The following PIP4K2B variants were observed in gnomAD, a reference collection of about 807,000 sequenced individuals.
PIP4K2B encodes phosphatidylinositol 5-phosphate 4-kinase type-2 beta.
PIP4K2B carries 3 observed loss-of-function variants against 42.0 expected under a neutral mutation model. The observed-to-expected ratio is 0.07, with a 90% CI of 0.03 to 0.18. The LOEUF (loss-of-function observed/expected upper bound fraction) is 0.18. Among genes scored for constraint, PIP4K2B ranks in the 10% least tolerant of loss-of-function variants. The pLI is 1.00. For missense variants in PIP4K2B, 332 were observed against 562.3 expected (o/e 0.59, Z 4.14); for synonymous variants, 204 against 210.1 (o/e 0.97, Z 0.25).
intron 1 of PIP4K2B, among the ~76,000 whole-genome samples, chr17:38,793,400 T>C (rs1395253582): frequency 6.6e-6 from 1 of 151,034 alleles, no homozygotes; most frequent in African/African-American, 2.4e-5. Flanking sequence ...TGCGCCACCA[T>C]GCCCGACTAA....
Position 38,770,542 on chromosome 17 carries a change from G to A in PIP4K2B, c.1067-3C>T. 1 of 1,513,102 alleles carries A rather than the reference G, an allele frequency of 6.6e-7. No individual in the cohort carries two copies. Among genetic ancestry groups the A allele is most frequent in the Non-Finnish European group, 9.2e-7 (1 of 1,089,590 alleles). The allele number at this position is 1,513,102 out of a possible 1,614,324, so 93.7% of individuals were successfully genotyped here. On this transcript the variant is annotated splice_region_variant and splice_polypyrimidine_tract_variant and intron_variant, in intron 8 of 9. Coordinates refer to ENST00000619039, the MANE Select transcript of PIP4K2B (RefSeq NM_003559.5). ...ATACACCTCCTTCTTGGGGGAACCT[G>A]GAGGGACAAGGAGAGCAGGGAAGAA...
At chr17:38,770,788 C>T (rs913109286) in intron 8 of PIP4K2B, among the ~76,000 whole-genome samples, 1 of 152,058 alleles carries the variant, frequency 6.6e-6, no homozygotes, top group Non-Finnish European at 1.5e-5. Flanking sequence ...CAGAGCAGAA[C>T]CACTCTTCAG....
intron 9 of PIP4K2B, 150 bp downstream of exon 9, chr17:38,770,286 G>A: frequency 4.7e-6 from 3 of 634,510 alleles, no homozygotes; most frequent in Non-Finnish European, 8.5e-6. Context: ...AAGGCAGGCA[G>A]GCTGCTCTTC....
chr17:38,789,300 C>T (rs949161226), intron 1 of PIP4K2B, among the ~76,000 whole-genome samples: 10 of 152,214 alleles, frequency 6.6e-5, no homozygotes, highest in Admixed American at 6.5e-4. Flanking sequence ...GAGATGAGGG[C>T]AGATCCTGCC....
intron 7 of PIP4K2B, among the ~76,000 whole-genome samples, chr17:38,772,872 C>T (rs552125021): frequency 6.6e-6 from 1 of 152,266 alleles, no homozygotes; most frequent in African/African-American, 2.4e-5. Flanking sequence ...TGAGCCACTG[C>T]ACCTGGCCAG....
At chr17:38,797,582 T>C (rs888677045) in intron 1 of PIP4K2B, among the ~76,000 whole-genome samples, 2 of 152,176 alleles carry the variant, frequency 1.3e-5, no homozygotes, top group African/African-American at 4.8e-5. Flanking sequence ...CCTCCTTTTC[T>C]TCATGTGTAA....
At chr17:38,795,502 G>C (rs1910608277) in intron 1 of PIP4K2B, among the ~76,000 whole-genome samples, 1 of 152,180 alleles carries the variant, frequency 6.6e-6, no homozygotes, top group Non-Finnish European at 1.5e-5. Flanking sequence ...TGTAATCCCA[G>C]CACTCTGGGA....
At position 38,769,686 on chromosome 17, in the gene PIP4K2B, G is replaced by A. The variant is rs1352929510; in HGVS notation, c.*5C>T. 2.7e-6 allele frequency: 4 copies of A among 1,490,892 alleles called. No homozygotes were observed. Among genetic ancestry groups the A allele is most frequent in the South Asian group, 1.1e-5 (1 of 88,670 alleles). The allele number at this position is 1,490,892 out of a possible 1,614,324, so 92.4% of individuals were successfully genotyped here. ...TCTCTGGCTCTGGCTGAAGGTAGAA[G>A]AGAACTACGTCAGGATGTTGGACAT... On this transcript the variant is annotated 3_prime_UTR_variant, in exon 10 of 10. Transcript: ENST00000619039.
At chr17:38,793,325 C>T (rs1215894196) in intron 1 of PIP4K2B, among the ~76,000 whole-genome samples, 2 of 151,156 alleles carry the variant, frequency 1.3e-5, no homozygotes, top group East Asian at 3.9e-4. Context: ...CTCAATGCAA[C>T]CGCCGTCTCC....
rs997917259 is a variant in PIP4K2B, at chr17:38,786,931, A to T, written c.160-11T>A. 1.3e-6 allele frequency: 2 copies of T among 1,591,760 alleles called. No homozygotes were observed. Among genetic ancestry groups the T allele is most frequent in the Admixed American group, 3.3e-5 (2 of 59,998 alleles). On this transcript the variant is annotated splice_polypyrimidine_tract_variant and intron_variant, in intron 1 of 9. Transcript: ENST00000619039. The stretch of plus-strand genomic sequence containing the variant: ...GCTCAGCTCATTGATCTGAAAAGCA[A>T]GGAGAACGTAAGGCTCTCAGCCAGG...
chr17:38,769,801 G>A (rs1908906621), intron 9 of PIP4K2B, 30 bp from the exon 10 acceptor site: 12 of 1,612,030 alleles, frequency 7.4e-6, no homozygotes, highest in South Asian at 5.5e-5. Context: ...GATTCAGGTT[G>A]AGTTCCTGTG....
Position 38,786,806 on chromosome 17 carries a change from CTCAG to C in PIP4K2B, c.257+13_257+16del, listed in dbSNP as rs772455179. On this transcript the variant is annotated intron_variant, in intron 2 of 9. Transcript: ENST00000619039. Reference sequence around the variant, plus strand: ...GGACTGCCCACAAAACCTGAGTCCACTCAGTAGACAACTTACTTATTGAAGAGAT... The same window carrying C: ...GGACTGCCCACAAAACCTGAGTCCACTAGACAACTTACTTATTGAAGAGAT... 3.3e-6 allele frequency: 5 copies of C among 1,536,386 alleles called. No individual in the cohort carries two copies. In the East Asian group the frequency reaches 9.0e-5, roughly 28 times the overall value.
At chr17:38,778,892 G>A (rs151230407) in intron 5 of PIP4K2B, among the ~76,000 whole-genome samples, 5 of 152,166 alleles carry the variant, frequency 3.3e-5, no homozygotes, top group Admixed American at 6.5e-5. Flanking sequence ...GTGAAATCCT[G>A]GGAAGAGGAG....
chr17:38,769,828 G>A (rs1307599755), intron 9 of PIP4K2B, 57 bp from the exon 10 acceptor site: 11 of 1,507,662 alleles, frequency 7.3e-6, no homozygotes, highest in African/African-American at 1.4e-5. Context: ...TCAGGAGGCT[G>A]CACATGGGGG....
rs570569824 is a variant in PIP4K2B, at chr17:38,780,934, T to C, written c.355-330A>G. Among the ~76,000 whole-genome samples the C allele has an allele frequency of 1.5e-4, 23 of 152,246 alleles. No homozygotes were observed. The South Asian group carries it at 2.9e-3, about 19-fold the overall frequency. ...CTCTGATGGAGGGGGCTGAGTCTAA[T>C]CTGGACTCTCACACGCACTATGACC... On this transcript the variant is annotated intron_variant, in intron 3 of 9. Transcript: ENST00000619039.
chr17:38,784,791 A>G (rs1350282825), intron 2 of PIP4K2B, among the ~76,000 whole-genome samples: 1 of 152,166 alleles, frequency 6.6e-6, no homozygotes, highest in Non-Finnish European at 1.5e-5. Context: ...CTTCAATAAA[A>G]CATACATTAA....
intron 7 of PIP4K2B, among the ~76,000 whole-genome samples, 168 bp downstream of exon 7, chr17:38,777,519 A>G (rs1174877766): frequency 6.6e-6 from 1 of 152,224 alleles, no homozygotes; most frequent in Non-Finnish European, 1.5e-5. Flanking sequence ...AGGTGGAATG[A>G]TCATTTGCAC....
rs1277697252 is a variant in PIP4K2B at position 38,766,100 on chromosome 17, G to A, written c.*3591C>T. 1 of 152,450 alleles carries A rather than the reference G, an allele frequency of 6.6e-6. No individual in the cohort carries two copies. The allele number at this position is 152,450 out of a possible 1,614,324, so 9.4% of individuals were successfully genotyped here. A position where few individuals can be genotyped will look rare whatever the true frequency, so the allele number is the denominator to read the frequency against. The stretch of plus-strand genomic sequence containing the variant: ...TGGCACAAGCTGCCAAGGGACAGCT[G>A]AGTCTCCTTTTCCCCATGGGGCACT... On this transcript the variant is annotated 3_prime_UTR_variant, in exon 10 of 10. Coordinates refer to ENST00000619039, the MANE Select transcript of PIP4K2B (RefSeq NM_003559.5).
chr17:38,788,936 ACT>A (rs1345329829), intron 1 of PIP4K2B, among the ~76,000 whole-genome samples: 1 of 142,344 alleles, frequency 7.0e-6, no homozygotes, highest in African/African-American at 2.8e-5. Context: ...CAAGAGTGAG[ACT>A]CTGTCTCAAA....
Sources: gnomAD v4.1 joint callset for allele counts (sites outside exome capture counted in the v4.1 genomes callset) on GRCh38, gnomAD v4.1.1 for gene constraint, MANE v1.5 for transcripts, NCBI Gene and HGNC (gene_info 2026-07-23, HGNC 2026-07-21) for gene names.